The following FSD1L variants were observed in gnomAD, a reference collection of about 807,000 sequenced individuals.
FSD1L encodes the protein FSD1-like protein.
A neutral mutation model predicts 71.6 loss-of-function variants in FSD1L; 45 were observed. That is an observed-to-expected ratio of 0.63 (90% CI 0.49 to 0.81). FSD1L has a LOEUF of 0.81. Ranked by LOEUF, FSD1L falls within the 30% of genes least tolerant of loss-of-function variation. The pLI is 0.00. For missense variants in FSD1L, 561 were observed against 618.1 expected (o/e 0.91, Z 0.98); for synonymous variants, 197 against 207.2 (o/e 0.95, Z 0.42).
At chr9:105,452,604 C>T (rs1270363055) in intron 1 of FSD1L, among the ~76,000 whole-genome samples, 2 of 150,776 alleles carry the variant, frequency 1.3e-5, no homozygotes, top group African/African-American at 4.9e-5. Context: ...TTCCCTCCCT[C>T]CCTCCCTCCT....
At chr9:105,538,319 TAAAC>T (rs901568271) in intron 12 of FSD1L, among the ~76,000 whole-genome samples, 1 of 152,240 alleles carries the variant, frequency 6.6e-6, no homozygotes, top group South Asian at 2.1e-4. Flanking sequence ...CTCAAAATAT[TAAAC>T]AATCTACATA....
At chr9:105,464,849 A>G (rs567834972) in intron 3 of FSD1L, among the ~76,000 whole-genome samples, 24 of 151,978 alleles carry the variant, frequency 1.6e-4, no homozygotes, top group African/African-American at 5.3e-4. Context: ...GTGTGGTGGC[A>G]TACACATGTC....
At chr9:105,486,238 A>G (rs955316343) in intron 7 of FSD1L, among the ~76,000 whole-genome samples, 1 of 152,222 alleles carries the variant, frequency 6.6e-6, no homozygotes, top group African/African-American at 2.4e-5. Flanking sequence ...CAGAATTTCT[A>G]TATTTTCATT....
intron 10 of FSD1L, chr9:105,521,403 T>C: frequency 6.2e-7 from 1 of 1,614,204 alleles, no homozygotes. Context: ...ATCTAGTCTC[T>C]GTAGTATTGA....
At chr9:105,475,751 A>G (rs1363297612) in intron 5 of FSD1L, among the ~76,000 whole-genome samples, 4 of 152,224 alleles carry the variant, frequency 2.6e-5, no homozygotes, top group Non-Finnish European at 5.9e-5. Flanking sequence ...AGTTGCGGAC[A>G]GTACTGTATT....
At chr9:105,443,844 GAC>G (rs1293546927), upstream of FSD1L, among the ~76,000 whole-genome samples, 2 of 152,162 alleles carry the variant, frequency 1.3e-5, no homozygotes, top group Non-Finnish European at 2.9e-5. Context: ...CTACATGCCA[GAC>G]ACTGTGCTCA....
chr9:105,528,665 A>T (rs1447193870), intron 10 of FSD1L, among the ~76,000 whole-genome samples: 1 of 152,218 alleles, frequency 6.6e-6, no homozygotes, highest in Non-Finnish European at 1.5e-5. Flanking sequence ...TAAGACCTAA[A>T]ACCATAAAAA....
Position 105,504,190 on chromosome 9 carries a change from C to G in FSD1L, c.587-2209C>G, listed in dbSNP as rs1276317298. 2.6e-5 allele frequency among the ~76,000 whole-genome samples: 4 copies of G among 152,166 alleles called. No individual in the cohort carries two copies. The South Asian group carries it at 8.3e-4, about 32-fold the overall frequency. On this transcript the variant is annotated intron_variant, in intron 7 of 13. Transcript: ENST00000481272. ...TATTAAATTCATGAATGCCTATAGT[C>G]TCTTTATTCTCTTGGCAGTGAATAG...
intron 3 of FSD1L, 148 bp from the exon 4 acceptor site, chr9:105,468,045 C>A: frequency 1.9e-6 from 1 of 527,328 alleles, no homozygotes; most frequent in Non-Finnish European, 3.0e-6. Flanking sequence ...TTTTTAAAGC[C>A]TTAAGTCAAA....
chr9:105,529,689 A>G (rs1835769206), intron 10 of FSD1L, among the ~76,000 whole-genome samples: 1 of 152,106 alleles, frequency 6.6e-6, no homozygotes, highest in African/African-American at 2.4e-5. Flanking sequence ...TGATGAGTGC[A>G]GCAAACCACC....
intron 4 of FSD1L, among the ~76,000 whole-genome samples, chr9:105,469,133 T>A (rs996156046): frequency 5.3e-5 from 8 of 152,254 alleles, no homozygotes; most frequent in African/African-American, 1.9e-4. Context: ...ATTCCACTTA[T>A]GTATATACCA....
rs201388999 is a variant in FSD1L at position 105,525,481 on chromosome 9, A to G, written c.1026-9012A>G. 8 of 1,609,700 alleles carry G rather than the reference A, an allele frequency of 5.0e-6. No homozygotes were observed. In the African/African-American group the frequency reaches 6.7e-5, roughly 13 times the overall value. ...TGAGAAGCACTTTAATGACTTAAAC[A>G]TGAAAGCTGTGGAACAAGATGAACC... On this transcript the variant is annotated intron_variant, in intron 10 of 13. Transcript: ENST00000481272.
Position 105,448,138 on chromosome 9 carries a change from G to T in FSD1L, c.-83G>T. ...GGGCTGGGGCAGTGCAGTGAGTAGC[G>T]GTCTTGGGGTGTGCGATCTCGCTGA... On this transcript the variant is annotated 5_prime_UTR_variant, in exon 1 of 14. Coordinates refer to ENST00000481272, the MANE Select transcript of FSD1L (RefSeq NM_001145313.3). 2 of 1,396,092 alleles carry T rather than the reference G, an allele frequency of 1.4e-6. No homozygotes were observed. The highest frequency in any genetic ancestry group is 2.0e-6 in the Non-Finnish European group (2 of 1,011,028). The allele number at this position is 1,396,092 out of a possible 1,614,324, so 86.5% of individuals were successfully genotyped here.
chr9:105,445,264 G>A (rs1392909677), upstream of FSD1L, among the ~76,000 whole-genome samples: 1 of 152,154 alleles, frequency 6.6e-6, no homozygotes, highest in Non-Finnish European at 1.5e-5. Flanking sequence ...AGGATGAGCT[G>A]GGCAGGAGAG....
chr9:105,506,321 T>C, intron 7 of FSD1L, 78 bp from the exon 8 acceptor site: 2 of 1,093,390 alleles, frequency 1.8e-6, no homozygotes, highest in Admixed American at 2.3e-5. Context: ...TTGAATGATA[T>C]AAATGTGATA....
chr9:105,520,709 A>G, intron 10 of FSD1L: 1 of 1,613,432 alleles, frequency 6.2e-7, no homozygotes, highest in Non-Finnish European at 8.5e-7. Flanking sequence ...GGATGTTTTC[A>G]TGCTTAATCC....
At chr9:105,516,148 C>A (rs980431422) in intron 10 of FSD1L, among the ~76,000 whole-genome samples, 28 of 152,208 alleles carry the variant, frequency 1.8e-4, no homozygotes, top group African/African-American at 6.8e-4. Flanking sequence ...CAGATTTCTC[C>A]TCTCTGAGCA....
intron 12 of FSD1L, 135 bp from the exon 13 acceptor site, chr9:105,539,128 A>G (rs1423884041): frequency 1.1e-5 from 6 of 550,000 alleles, no homozygotes; most frequent in African/African-American, 2.0e-5. Context: ...TCAAGTGAGA[A>G]TAATTAATCC....
At position 105,506,628 on chromosome 9, in the gene FSD1L, G is replaced by A. The variant is rs1319600553; in HGVS notation, c.796+20G>A. The A allele has an allele frequency of 7.1e-7, 1 of 1,415,474 alleles. No homozygotes were observed. The highest frequency in any genetic ancestry group is 9.8e-7 in the Non-Finnish European group (1 of 1,023,732). The allele number at this position is 1,415,474 out of a possible 1,614,324, so 87.7% of individuals were successfully genotyped here. A position where few individuals can be genotyped will look rare whatever the true frequency, so the allele number is the denominator to read the frequency against. On this transcript the variant is annotated intron_variant, in intron 8 of 13. Transcript: ENST00000481272. ...TATCAGGTAACATGACTGCATTTTA[G>A]GACTCTCATTCTCAGAAGATAAATG... is the stretch of plus-strand genomic sequence containing the variant.
Sources: allele counts gnomAD v4.1 joint callset (sites outside exome capture counted in the v4.1 genomes callset), GRCh38; gene constraint gnomAD v4.1.1; transcripts MANE v1.5; gene names NCBI Gene and HGNC (gene_info 2026-07-23, HGNC 2026-07-21).